The following MBOAT4 variants were observed in gnomAD, a reference collection of about 807,000 sequenced individuals.
MBOAT4 encodes membrane-bound ghrelin O-acyltransferase MBOAT4.
In MBOAT4, 11 loss-of-function variants were observed where a neutral mutation model predicts 13.2. That is an observed-to-expected ratio of 0.84 (90% CI 0.53 to 1.38). The LOEUF is 1.38. Among genes scored for constraint, MBOAT4 ranks in the 40% most tolerant of loss-of-function variants. The pLI, the probability that MBOAT4 is intolerant of heterozygous loss-of-function variation, is 0.00. For missense variants in MBOAT4, 481 were observed against 527.2 expected (o/e 0.91, Z 0.86); for synonymous variants, 202 against 210.3 (o/e 0.96, Z 0.34).
At chr8:30,133,569 T>C (rs1803072204) in intron 2 of MBOAT4, among the ~76,000 whole-genome samples, 1 of 152,170 alleles carries the variant, frequency 6.6e-6, no homozygotes, top group Non-Finnish European at 1.5e-5. Context: ...TGGGAAATTT[T>C]ACTTTAACAG....
chr8:30,133,177 A>C (rs1323257760), intron 2 of MBOAT4, among the ~76,000 whole-genome samples: 1 of 152,164 alleles, frequency 6.6e-6, no homozygotes, highest in African/African-American at 2.4e-5. Context: ...TCGGCCTCCC[A>C]GAGTGCTGGG....
At chr8:30,135,768 G>T (rs556547810) in intron 2 of MBOAT4, among the ~76,000 whole-genome samples, 1 of 151,990 alleles carries the variant, frequency 6.6e-6, no homozygotes, top group Non-Finnish European at 1.5e-5. Flanking sequence ...ATGAAAATTA[G>T]CCCGATGTGG....
Position 30,132,487 on chromosome 8 carries a change from TAG to T in MBOAT4, c.762_763del (p.Tyr255LeufsTer19), listed in dbSNP as rs1162990495. On this transcript the variant is annotated frameshift_variant, in exon 3 of 3. Coordinates refer to ENST00000320542, the MANE Select transcript of MBOAT4 (RefSeq NM_001100916.2). LOFTEE classifies it low-confidence loss of function (END_TRUNC). The stretch of plus-strand genomic sequence containing the variant: ...GTCGTCCAGGATCCAGTGGGAGTAG[TAG>T]GTGAGCTTGAAAAGCCCAGCTGTGG... 6.4e-7 allele frequency: 1 copy of T among 1,551,704 alleles called. No individual in the cohort carries two copies. Among genetic ancestry groups the T allele is most frequent in the East Asian group, 2.4e-5 (1 of 40,918 alleles).
At chr8:30,138,944 G>A (rs1803211206) in intron 1 of MBOAT4, among the ~76,000 whole-genome samples, 188 bp from the exon 2 acceptor site, 1 of 149,510 alleles carries the variant, frequency 6.7e-6, no homozygotes, top group Non-Finnish European at 1.5e-5. Context: ...AGGAGCCAGG[G>A]TAAATTTGTA....
At position 30,132,677 on chromosome 8, in the gene MBOAT4, C is replaced by G. The variant is rs1312250908; in HGVS notation, c.574G>C (p.Gly192Arg). ...SFQRFQARVQ[G>R]SSALHPRHSF... Reference sequence around the variant, plus strand: ...TGTCTGGGATGCAAAGCACTGGACCCTTGAACACGAGCCTGAAATCGCTGG... The same window carrying G: ...TGTCTGGGATGCAAAGCACTGGACCGTTGAACACGAGCCTGAAATCGCTGG... The change falls in exon 3 of 3, where the codon GGG (glycine) becomes CGG (arginine). Residue 192 changes from glycine (G) to arginine (R), a missense_variant. Transcript: ENST00000320542. 1 of 1,551,608 alleles carries G rather than the reference C, an allele frequency of 6.4e-7. No individual in the cohort carries two copies. Among genetic ancestry groups the G allele is most frequent in the Non-Finnish European group, 8.7e-7 (1 of 1,147,016 alleles).
Position 30,132,618 on chromosome 8 carries a change from C to T in MBOAT4, c.633G>A (p.Gln211=), listed in dbSNP as rs576685952. 2.6e-6 allele frequency: 4 copies of T among 1,551,808 alleles called. No homozygotes were observed. Among genetic ancestry groups the T allele is most frequent in the Non-Finnish European group, 3.5e-6 (4 of 1,147,012 alleles). The change falls in exon 3 of 3, where the codon CAG becomes CAA. Residue 211 remains glutamine, a synonymous_variant. Transcript: ENST00000320542. ...CGTTTAGGCATTCTAGTCCAAGAAT[C>T]TGCAGACCCCTCCAGCTCAGAGCCC... The part of the protein sequence containing the change: ...SFWALSWRGL[Q]ILGLECLNVA...
chr8:30,136,729 A>C (rs1291609518), intron 2 of MBOAT4, among the ~76,000 whole-genome samples: 28 of 125,372 alleles, frequency 2.2e-4, no homozygotes, highest in Non-Finnish European at 1.3e-4. Context: ...CTCCCCCCGA[A>C]CTTTTTTTTT....
Position 30,132,685 on chromosome 8 carries a change from C to G in MBOAT4, c.566G>C (p.Arg189Pro). The part of the protein sequence containing the change: ...SLCSFQRFQA[R>P]VQGSSALHPR... ...ATGCAAAGCACTGGACCCTTGAACA[C>G]GAGCCTGAAATCGCTGGAAGGAGCA... Residue 189 changes from arginine to proline, a missense_variant, in exon 3 of 3, where the codon CGT becomes CCT. Transcript: ENST00000320542. The G allele has an allele frequency of 6.4e-7, 1 of 1,551,722 alleles. No individual in the cohort carries two copies. The highest frequency in any genetic ancestry group is 8.7e-7 in the Non-Finnish European group (1 of 1,147,002).
rs143001763 is a variant in MBOAT4 at position 30,132,265 on chromosome 8, T to C, written c.986A>G (p.Gln329Arg). 6 of 1,551,756 alleles carry C rather than the reference T, an allele frequency of 3.9e-6. No homozygotes were observed. Among genetic ancestry groups the C allele is most frequent in the Non-Finnish European group, 5.2e-6 (6 of 1,146,990 alleles). ...FQHSRAWPLL[Q>R]TFAFSAWWHG... Reference sequence around the variant, plus strand: ...CCACCAGGCAGAGAAGGCAAATGTCTGCAACAACGGCCAAGCCCTGCTGTG... The same window carrying C: ...CCACCAGGCAGAGAAGGCAAATGTCCGCAACAACGGCCAAGCCCTGCTGTG... The change falls in exon 3 of 3, where the codon CAG becomes CGG. Residue 329 changes from glutamine to arginine, a missense_variant. Coordinates refer to ENST00000320542, the MANE Select transcript of MBOAT4 (RefSeq NM_001100916.2).
At chr8:30,138,837 C>T (rs889905713) in intron 1 of MBOAT4, 81 bp from the exon 2 acceptor site, 6 of 1,122,140 alleles carry the variant, frequency 5.3e-6, no homozygotes, top group Non-Finnish European at 1.3e-6. Context: ...CTCCAGGGAA[C>T]CCGATCTGGT....
chr8:30,132,970 G>C, intron 2 of MBOAT4, 64 bp from the exon 3 acceptor site: 1 of 1,442,856 alleles, frequency 6.9e-7, no homozygotes. Flanking sequence ...TCTTATTCCA[G>C]TCTGTCATAC....
In MBOAT4 at chr8:30,138,647, G is replaced by A; in HGVS notation, c.229C>T (p.Leu77=). 3 of 1,551,428 alleles carry A rather than the reference G, an allele frequency of 1.9e-6. No individual in the cohort carries two copies. Among genetic ancestry groups the A allele is most frequent in the Non-Finnish European group, 2.6e-6 (3 of 1,146,840 alleles). Residue 77 remains leucine, a synonymous_variant, in exon 2 of 3, where the codon CTG becomes TTG. Transcript: ENST00000320542. ...CACCTGTGGACTTGCTGAGGAGCCAGGGAACAGAGGAGAGCCACAGCGCAG... is the reference window on the plus strand; with the variant it reads ...CACCTGTGGACTTGCTGAGGAGCCAAGGAACAGAGGAGAGCCACAGCGCAG... The part of the protein sequence containing the change: ...AVCAVALLCS[L]APQQVHRWTF...
Position 30,131,721 on chromosome 8 carries a change from G to A in MBOAT4, c.*222C>T. 1 of 470,764 alleles carries A rather than the reference G, an allele frequency of 2.1e-6. No individual in the cohort carries two copies. The highest frequency in any genetic ancestry group is 2.4e-5 in the South Asian group (1 of 42,112). The allele number at this position is 470,764 out of a possible 1,614,324, so 29.2% of individuals were successfully genotyped here. On this transcript the variant is annotated 3_prime_UTR_variant, in exon 3 of 3. Transcript: ENST00000320542. ...TCCACATCTAGACTGTAAACCTTAA[G>A]GGAAGAAACCACATCTTTTTCCTTT...
chr8:30,138,593 T>C lies in MBOAT4; in HGVS notation c.283A>G (p.Thr95Ala), dbSNP rs143408116. The C allele has an allele frequency of 1.2e-5, 18 of 1,551,498 alleles. No homozygotes were observed. The highest frequency in any genetic ancestry group is 1.3e-5 in the Non-Finnish European group (15 of 1,146,998). ...WTFCFQMSWQ[T>A]LCHLGLHYTE... is the part of the protein sequence containing the mutation. Reference sequence around the variant, plus strand: ...TAGTGCAGACCTAGGTGACACAAGGTCTGCCAGCTCATCTGAAAGCAGAAG... The same window carrying C: ...TAGTGCAGACCTAGGTGACACAAGGCCTGCCAGCTCATCTGAAAGCAGAAG... Residue 95 changes from threonine to alanine, a missense_variant, in exon 2 of 3, where the codon ACC (threonine) becomes GCC (alanine). Thr to Ala is a moderately conservative substitution (Grantham distance 58). Transcript: ENST00000320542.
At chr8:30,138,261 A>G (rs565690744) in intron 2 of MBOAT4, 1 of 305,644 alleles carries the variant, frequency 3.3e-6, no homozygotes, top group Admixed American at 4.3e-5. Context: ...CTTTACTGCA[A>G]TTCCCCTGTT....
At position 30,132,339 on chromosome 8, in the gene MBOAT4, T is replaced by C. The variant is rs1803037374; in HGVS notation, c.912A>G (p.Arg304=). ...ATCGAGCTGTGCTTTGGTTCCACTT[T>C]CTTGAGAACACAGATATCCTGTGGG... ...ERTHRISVFS[R]KWNQSTARWL... Residue 304 remains arginine, a synonymous_variant, in exon 3 of 3, where the codon AGA becomes AGG. Coordinates refer to ENST00000320542, the MANE Select transcript of MBOAT4 (RefSeq NM_001100916.2). 4.5e-6 allele frequency: 7 copies of C among 1,551,636 alleles called. No homozygotes were observed. In the South Asian group the frequency reaches 5.9e-5, roughly 13 times the overall value.
intron 2 of MBOAT4, among the ~76,000 whole-genome samples, chr8:30,136,880 G>T (rs1316977758): frequency 5.3e-5 from 8 of 152,056 alleles, no homozygotes; most frequent in Non-Finnish European, 1.2e-4. Context: ...CAGAGACGGG[G>T]TTTTGCCATG....
intron 1 of MBOAT4, among the ~76,000 whole-genome samples, chr8:30,142,006 A>T (rs117217382): frequency 0.012 from 1,755 of 152,246 alleles, 21 homozygotes; most frequent in Non-Finnish European, 0.019. Context: ...CTATGGGAAA[A>T]CAAAAGGGGG....
chr8:30,136,812 C>T lies in MBOAT4; in HGVS notation c.344+1720G>A, dbSNP rs145725155. ...GATGCGATCTCCTGTCTCAGCCTCC[C>T]GAGTAGCTGGGATTCCAGGCGTCCG... On this transcript the variant is annotated intron_variant, in intron 2 of 2. Transcript: ENST00000320542. Among the ~76,000 whole-genome samples the T allele has an allele frequency of 5.1e-3, 770 of 151,718 alleles. 3 individuals carry two copies. Among genetic ancestry groups the T allele is most frequent in the Non-Finnish European group, 7.8e-3 (533 of 67,916 alleles).
Sources: allele counts gnomAD v4.1 joint callset (sites outside exome capture counted in the v4.1 genomes callset), GRCh38; gene constraint gnomAD v4.1.1; transcripts MANE v1.5; gene names NCBI Gene and HGNC (gene_info 2026-07-23, HGNC 2026-07-21).